FRMPD4: variants seen among roughly 807,000 people sequenced by gnomAD.
FRMPD4 encodes the protein FERM and PDZ domain containing 4.
In FRMPD4, 22 loss-of-function variants were observed where a neutral mutation model predicts 94.1. The observed-to-expected ratio is 0.23, with a 90% CI of 0.17 to 0.33. FRMPD4 has a LOEUF of 0.33. Among genes scored for constraint, FRMPD4 ranks in the 10% least tolerant of loss-of-function variants. The pLI is 1.00. For missense variants in FRMPD4, 1,111 were observed against 1,339.9 expected (o/e 0.83, Z 2.67); for synonymous variants, 631 against 548.6 (o/e 1.15, Z -2.10).
intron 1 of FRMPD4, among the ~76,000 whole-genome samples, chrX:12,150,882 G>A (rs778325641): frequency 9.0e-6 from 1 of 111,301 alleles, no homozygotes; most frequent in South Asian, 3.8e-4. Context: ...TATACTTAAT[G>A]TGATATTAAA....
chrX:12,650,486 T>G (rs1413956160), intron 4 of FRMPD4, among the ~76,000 whole-genome samples: 1 of 112,252 alleles, frequency 8.9e-6, no homozygotes, highest in Non-Finnish European at 1.9e-5. Flanking sequence ...CCAACGGTCT[T>G]TAAAGTTGAA....
intron 1 of FRMPD4, among the ~76,000 whole-genome samples, chrX:12,346,603 A>T (rs931192875): frequency 9.0e-6 from 1 of 111,643 alleles, no homozygotes; most frequent in East Asian, 2.8e-4. Flanking sequence ...CCTTTTGTAC[A>T]TACGCCACTG....
chrX:11,890,495 G>A (rs1256391021), intron 3 of FRMPD4, among the ~76,000 whole-genome samples: 1 of 112,321 alleles, frequency 8.9e-6, no homozygotes, highest in Non-Finnish European at 1.9e-5. Context: ...ACTTGATTCA[G>A]CATGGAAAAG....
intron 3 of FRMPD4, among the ~76,000 whole-genome samples, chrX:11,922,851 G>C (rs1181623746): frequency 2.7e-5 from 3 of 112,833 alleles, no homozygotes; most frequent in African/African-American, 9.7e-5. Flanking sequence ...GGAACAGTTG[G>C]ACCTGATCTC....
rs1487192042 is a variant in FRMPD4 at position 12,235,482 on chromosome X, CT to C, written c.41+96478del. Among the ~76,000 whole-genome samples, 8 of 111,391 alleles carry C rather than the reference CT, an allele frequency of 7.2e-5. No homozygotes were observed. In the East Asian group the frequency reaches 1.4e-3, roughly 20 times the overall value. On this transcript the variant is annotated intron_variant, in intron 1 of 16. Coordinates refer to ENST00000675598, the MANE Select transcript of FRMPD4 (RefSeq NM_001368397.1). ...ATAATACAACTTGAGTTTTAAGATA[CT>C]TTTTTTTAGGCATGAAAATTCATGC...
At position 12,694,467 on chromosome X, in the gene FRMPD4, T is replaced by G. The variant is rs2060108193; in HGVS notation, c.933+13T>G. The G allele has an allele frequency of 8.5e-7, 1 of 1,171,210 alleles. No homozygotes were observed. The highest frequency in any genetic ancestry group is 2.4e-4 in the Middle Eastern group (1 of 4,254). ...TCTCTATGTTCAGGTATGTTAAAAT[T>G]TTGGCATGTTTTATATCAATGTTGT... On this transcript the variant is annotated intron_variant, in intron 9 of 16. Transcript: ENST00000675598.
chrX:12,463,687 T>G (rs2057417110), intron 1 of FRMPD4, among the ~76,000 whole-genome samples: 1 of 91,570 alleles, frequency 1.1e-5, no homozygotes, highest in African/African-American at 4.4e-5. Context: ...GTGTGTTTTT[T>G]TTTTGTTTTT....
intron 1 of FRMPD4, among the ~76,000 whole-genome samples, chrX:12,289,645 C>G: frequency 9.0e-6 from 1 of 111,276 alleles, no homozygotes; most frequent in Non-Finnish European, 1.9e-5. Flanking sequence ...GTCTATGTCT[C>G]TTTAGATGAG....
At chrX:11,952,106 A>G (rs763762056) in intron 3 of FRMPD4, among the ~76,000 whole-genome samples, 1 of 112,510 alleles carries the variant, frequency 8.9e-6, no homozygotes, top group Non-Finnish European at 1.9e-5. Flanking sequence ...TAAGAGCCCA[A>G]TTCAGTGGTG....
chrX:12,360,373 CACTGGG>C (rs1295538581), intron 1 of FRMPD4, among the ~76,000 whole-genome samples: 2 of 111,453 alleles, frequency 1.8e-5, no homozygotes, highest in Non-Finnish European at 3.8e-5. Flanking sequence ...ATATATAGTT[CACTGGG>C]AACATATGGG....
intron 1 of FRMPD4, among the ~76,000 whole-genome samples, chrX:12,312,680 T>C (rs2055054403): frequency 2.7e-5 from 3 of 112,162 alleles, no homozygotes; most frequent in Admixed American, 9.5e-5. Flanking sequence ...GGAAACTGAA[T>C]GCCCTTGTTT....
chrX:12,343,663 T>A (rs2055654544), intron 1 of FRMPD4, among the ~76,000 whole-genome samples: 1 of 112,103 alleles, frequency 8.9e-6, no homozygotes, highest in African/African-American at 3.2e-5. Flanking sequence ...TGTATTTTTT[T>A]AATATGTGAA....
intron 4 of FRMPD4, among the ~76,000 whole-genome samples, chrX:12,647,428 A>T (rs1024184195): frequency 3.6e-5 from 4 of 111,502 alleles, no homozygotes; most frequent in Non-Finnish European, 5.6e-5. Context: ...GAGGGAGTGG[A>T]GGTATTTATA....
chrX:12,425,308 C>A (rs1209285184), intron 1 of FRMPD4, among the ~76,000 whole-genome samples: 1 of 111,739 alleles, frequency 8.9e-6, no homozygotes, highest in Non-Finnish European at 1.9e-5. Context: ...GCCAGCCAAC[C>A]AGAGTTGTAT....
chrX:12,387,903 C>T (rs2056418874), intron 1 of FRMPD4, among the ~76,000 whole-genome samples: 1 of 108,231 alleles, frequency 9.2e-6, no homozygotes, highest in Non-Finnish European at 1.9e-5. Context: ...TGTAATTGGC[C>T]ATTGACCACC....
At chrX:12,279,278 A>G (rs2054489451) in intron 1 of FRMPD4, among the ~76,000 whole-genome samples, 1 of 111,026 alleles carries the variant, frequency 9.0e-6, no homozygotes, top group African/African-American at 3.3e-5. Flanking sequence ...TCTGTTCCCA[A>G]CAGTACCCAG....
intron 3 of FRMPD4, among the ~76,000 whole-genome samples, chrX:12,090,931 TTTC>T (rs1396223746): frequency 8.9e-6 from 1 of 112,399 alleles, no homozygotes; most frequent in African/African-American, 3.2e-5. Flanking sequence ...GAAAGAGTTT[TTTC>T]TTCTTTGGGA....
chrX:12,534,439 C>T (rs1286053748), intron 2 of FRMPD4, among the ~76,000 whole-genome samples: 3 of 111,950 alleles, frequency 2.7e-5, no homozygotes, highest in Non-Finnish European at 3.8e-5. Flanking sequence ...ATCCTTCAGA[C>T]CCCAGAATGG....
intron 8 of FRMPD4, among the ~76,000 whole-genome samples, chrX:12,692,062 A>G (rs1432961064): frequency 2.7e-5 from 3 of 112,194 alleles, no homozygotes; most frequent in African/African-American, 9.7e-5. Flanking sequence ...TTCTGGTTAT[A>G]CTTTCTCTCT....
Sources: gnomAD v4.1 joint callset for allele counts (sites outside exome capture counted in the v4.1 genomes callset) on GRCh38, gnomAD v4.1.1 for gene constraint, MANE v1.5 for transcripts, NCBI Gene and HGNC (gene_info 2026-07-23, HGNC 2026-07-21) for gene names.